Variants in SH2D3C observed in about 807,000 individuals in gnomAD.
The protein encoded by SH2D3C is SH2 domain-containing protein 3C.
A neutral mutation model predicts 75.2 loss-of-function variants in SH2D3C; 25 were observed. That is an observed-to-expected ratio of 0.33 (90% CI 0.24 to 0.46). The LOEUF (loss-of-function observed/expected upper bound fraction) is 0.46, where lower values mean the gene tolerates loss of function less well. Ranked by LOEUF, SH2D3C falls within the 20% of genes least tolerant of loss-of-function variation. SH2D3C has a pLI of 1.00. For missense variants in SH2D3C, 933 were observed against 1,165.3 expected, an observed-to-expected ratio of 0.80 and a Z score of 2.90; for synonymous variants, 450 against 473.7, an observed-to-expected ratio of 0.95 and a Z score of 0.65.
chr9:127,745,459 T>C (rs1036221695), intron 6 of SH2D3C, among the ~76,000 whole-genome samples: 217 of 134,288 alleles, frequency 1.6e-3, no homozygotes, highest in African/African-American at 2.2e-3. Flanking sequence ...GATTTCCTTT[T>C]TTTTTTTTTT....
rs1844865303 is a variant in SH2D3C, at chr9:127,741,810, A to AAGC, written c.2065_2066insGCT (p.Met689delinsSerLeu). 1.9e-6 allele frequency: 3 copies of AAGC among 1,613,122 alleles called. No homozygotes were observed. The Admixed American group carries it at 5.0e-5, about 27-fold the overall frequency. On this transcript the variant is annotated protein_altering_variant, in exon 9 of 12. Transcript: ENST00000314830. ...TACCTGGGCCATGTCCAGGGCACCCATGACCGCCGCGAAGCTGAACATGTT... is the reference window on the plus strand; with the variant it reads ...TACCTGGGCCATGTCCAGGGCACCCAAGCTGACCGCCGCGAAGCTGAACATGTT...
Position 127,754,298 on chromosome 9 carries a change from A to G in SH2D3C, c.556-2998T>C, listed in dbSNP as rs1468842582. Among the ~76,000 whole-genome samples, 1 of 152,048 alleles carries G rather than the reference A, an allele frequency of 6.6e-6. No individual in the cohort carries two copies. Among genetic ancestry groups the G allele is most frequent in the African/African-American group, 2.4e-5 (1 of 41,412 alleles). Reference sequence around the variant, plus strand: ...CGTGTGTGAGCCTGGGGGAGCGAAGAGCCGACGCGCCTGGCATCTCCCAGG... The same window carrying G: ...CGTGTGTGAGCCTGGGGGAGCGAAGGGCCGACGCGCCTGGCATCTCCCAGG... On this transcript the variant is annotated intron_variant, in intron 3 of 11. Coordinates refer to ENST00000314830, the MANE Select transcript of SH2D3C (RefSeq NM_170600.3). This position sits in a 1 kb window ranked among gnomAD's most constrained non-coding sequence, Gnocchi z 4.4.
intron 1 of SH2D3C, 110 bp downstream of exon 1, chr9:127,778,481 A>G (rs1219628335): frequency 1.1e-6 from 1 of 930,452 alleles, no homozygotes; most frequent in African/African-American, 1.6e-5. Flanking sequence ...AAAGAAAAAG[A>G]GTGAGAGAGA....
intron 3 of SH2D3C, among the ~76,000 whole-genome samples, chr9:127,757,272 A>ATTTT (rs60217641): frequency 0.012 from 1,612 of 138,642 alleles, 44 homozygotes; most frequent in African/African-American, 0.038. Flanking sequence ...CCCTCATTTG[A>ATTTT]TTTTTTTTTT....
rs184779139 is a variant in SH2D3C, at chr9:127,759,218, T to C, written c.555+2393A>G. Among the ~76,000 whole-genome samples the C allele has an allele frequency of 6.1e-4, 93 of 152,338 alleles. 1 individual carries two copies. Among genetic ancestry groups the C allele is most frequent in the African/African-American group, 2.1e-3 (89 of 41,582 alleles). On this transcript the variant is annotated intron_variant, in intron 3 of 11. Coordinates refer to ENST00000314830, the MANE Select transcript of SH2D3C (RefSeq NM_170600.3). ...TCTATATCAGCCTACATCATGCTTTTTTTTTAATCTCTTTTGAGATGGAGT... is the reference window on the plus strand; with the variant it reads ...TCTATATCAGCCTACATCATGCTTTCTTTTTAATCTCTTTTGAGATGGAGT...
chr9:127,773,835 T>C (rs1845770817), intron 2 of SH2D3C, among the ~76,000 whole-genome samples, 155 bp downstream of exon 2: 1 of 151,738 alleles, frequency 6.6e-6, no homozygotes, highest in Non-Finnish European at 1.5e-5. Flanking sequence ...GGAGAATTGC[T>C]TGGACCCGGG....
chr9:127,740,207 C>T (rs1378260176), intron 10 of SH2D3C, 51 bp downstream of exon 10: 2 of 1,501,806 alleles, frequency 1.3e-6, no homozygotes, highest in African/African-American at 1.4e-5. Context: ...GGAGTCTTTG[C>T]AACCCCAGGG....
intron 5 of SH2D3C, among the ~76,000 whole-genome samples, chr9:127,748,340 G>A (rs78491098): frequency 0.034 from 5,179 of 152,176 alleles, 284 homozygotes; most frequent in African/African-American, 0.11. Flanking sequence ...AGCCCACAGG[G>A]TATCCATTCA....
chr9:127,744,672 G>A lies in SH2D3C; in HGVS notation c.1692C>T (p.Pro564=), dbSNP rs1473833435. 6.2e-7 allele frequency: 1 copy of A among 1,614,088 alleles called. No homozygotes were observed. Among genetic ancestry groups the A allele is most frequent in the East Asian group, 2.2e-5 (1 of 44,898 alleles). The change falls in exon 7 of 12, where the codon CCC becomes CCT. Residue 564 remains proline (P), a synonymous_variant. Transcript: ENST00000314830. The part of the protein sequence containing the change: ...NPATFQSLLI[P]RDNRPLEVGL... ...CCACCTCCAGTGGCCGGTTATCCCT[G>A]GGGATCAGTAGTGACTGGAAGGTGG... is the stretch of plus-strand genomic sequence containing the variant.
At chr9:127,773,956 C>G in intron 2 of SH2D3C, 34 bp downstream of exon 2, 2 of 1,244,050 alleles carry the variant, frequency 1.6e-6, no homozygotes, top group Non-Finnish European at 1.1e-6. Flanking sequence ...CAGAAGCCAT[C>G]CCTGCAGGTC....
At position 127,759,225 on chromosome 9, in the gene SH2D3C, A is replaced by T. The variant is rs180699789; in HGVS notation, c.555+2386T>A. ...CAGCCTACATCATGCTTTTTTTTTA[A>T]TCTCTTTTGAGATGGAGTCTTGCTC... On this transcript the variant is annotated intron_variant, in intron 3 of 11. Coordinates refer to ENST00000314830, the MANE Select transcript of SH2D3C (RefSeq NM_170600.3). Among the ~76,000 whole-genome samples, 94 of 151,918 alleles carry T rather than the reference A, an allele frequency of 6.2e-4. 1 individual carries two copies. The highest frequency in any genetic ancestry group is 2.1e-3 in the African/African-American group (89 of 41,434).
intron 3 of SH2D3C, among the ~76,000 whole-genome samples, chr9:127,757,495 A>G (rs1845415346): frequency 6.6e-6 from 1 of 151,190 alleles, no homozygotes; most frequent in South Asian, 2.1e-4. Context: ...CAGTGGCTCA[A>G]TATCGGCTCA....
intron 3 of SH2D3C, among the ~76,000 whole-genome samples, chr9:127,759,337 T>C (rs1197739406): frequency 6.6e-6 from 1 of 152,208 alleles, no homozygotes; most frequent in East Asian, 1.9e-4. Context: ...TTCCTCAGCC[T>C]CCCCAGTAGC....
intron 3 of SH2D3C, chr9:127,755,088 C>G: frequency 2.5e-6 from 3 of 1,210,782 alleles, no homozygotes; most frequent in Non-Finnish European, 3.1e-6. Context: ...CCTGCACCTG[C>G]ACGAAGGAGC....
intron 7 of SH2D3C, among the ~76,000 whole-genome samples, chr9:127,744,302 C>T (rs1480320658): frequency 1.3e-5 from 2 of 152,006 alleles, no homozygotes; most frequent in African/African-American, 2.4e-5. Context: ...AACTCCTGAC[C>T]TCAGGTGATC....
intron 8 of SH2D3C, 87 bp downstream of exon 8, chr9:127,742,762 G>T: frequency 1.0e-6 from 1 of 954,686 alleles, no homozygotes; most frequent in Non-Finnish European, 1.5e-6. Context: ...CCGAGCTGAG[G>T]CTGTGATTGG....
Position 127,738,977 on chromosome 9 carries a change from T to G in SH2D3C, c.2408-56A>C. 7.0e-7 allele frequency: 1 copy of G among 1,437,344 alleles called. No individual in the cohort carries two copies. Among genetic ancestry groups the G allele is most frequent in the Non-Finnish European group, 9.2e-7 (1 of 1,086,660 alleles). The allele number at this position is 1,437,344 out of a possible 1,614,324, so 89.0% of individuals were successfully genotyped here. A position where few individuals can be genotyped will look rare whatever the true frequency, so the allele number is the denominator to read the frequency against. On this transcript the variant is annotated intron_variant, in intron 11 of 11. Coordinates refer to ENST00000314830, the MANE Select transcript of SH2D3C (RefSeq NM_170600.3). The surrounding 1 kb of genome is among the most constrained non-coding windows in gnomAD (Gnocchi z 5.0). ...AGGCTGGGGTTCCTGTCCAGAGCCC[T>G]AGCATTCTTCAGGACCCCCCTGTTA...
At chr9:127,762,089 G>T in intron 2 of SH2D3C, 2 of 512,918 alleles carry the variant, frequency 3.9e-6, no homozygotes, top group South Asian at 4.0e-5. Flanking sequence ...AACACTGGAG[G>T]GCCCCAAGTG....
chr9:127,745,121 G>A, intron 6 of SH2D3C, 22 bp from the exon 7 acceptor site: 1 of 1,472,750 alleles, frequency 6.8e-7, no homozygotes, highest in Non-Finnish European at 9.0e-7. Context: ...TAGAGAGAGA[G>A]GCCCCGTTAT....
Sources: gnomAD v4.1 joint callset for allele counts (sites outside exome capture counted in the v4.1 genomes callset) on GRCh38, gnomAD v4.1.1 for gene constraint, Gnocchi (gnomAD v3.1) non-coding constraint, MANE v1.5 for transcripts, NCBI Gene and HGNC (gene_info 2026-07-23, HGNC 2026-07-21) for gene names.